The following LRFN5 variants were observed in gnomAD, a reference collection of about 807,000 sequenced individuals.
LRFN5 encodes the protein leucine-rich repeat and fibronectin type-III domain-containing protein 5.
Under a neutral mutation model 45.6 loss-of-function variants are expected in LRFN5, and 24 were observed. The ratio of observed to expected loss-of-function variants is 0.53; its 90% CI spans 0.38 to 0.74. The LOEUF is 0.74. Among genes scored for constraint, LRFN5 ranks in the 30% least tolerant of loss-of-function variants. The pLI, the probability that LRFN5 is intolerant of heterozygous loss-of-function variation, is 0.00. For synonymous variants in LRFN5, 340 were observed against 313.8 expected (o/e 1.08, Z -0.88); for missense variants, 776 against 861.5 (o/e 0.90, Z 1.24).
intron 5 of LRFN5, among the ~76,000 whole-genome samples, chr14:41,899,650 A>G (rs1043120997): frequency 2.9e-4 from 44 of 152,140 alleles, no homozygotes; most frequent in African/African-American, 1.0e-3. Flanking sequence ...GGTTTGGCAC[A>G]CACACAAAAA....
At chr14:41,810,902 C>T (rs1887713054) in intron 2 of LRFN5, among the ~76,000 whole-genome samples, 1 of 149,504 alleles carries the variant, frequency 6.7e-6, no homozygotes, top group Admixed American at 6.8e-5. Flanking sequence ...GCAGAAACTA[C>T]ATGTTGATGA....
chr14:41,781,593 AAAGAAAG>A (rs1886504642), intron 2 of LRFN5, among the ~76,000 whole-genome samples: 3 of 103,900 alleles, frequency 2.9e-5, no homozygotes, highest in African/African-American at 4.2e-5. Context: ...AGAAAGAAAG[AAAGAAAG>A]AAAGAAAGAA....
Position 41,695,301 on chromosome 14 carries a change from G to C in LRFN5, c.-196-71553G>C, listed in dbSNP as rs140967558. 7.0e-3 allele frequency among the ~76,000 whole-genome samples: 1,066 copies of C among 152,052 alleles called. 7 individuals are homozygous for C. Among genetic ancestry groups the C allele is most frequent in the Middle Eastern group, 0.037 (11 of 294 alleles). ...AAGAAGGTGTCTCCATAACATAAAAGTGCAAGATGAAGCAGAAAGTCTTGT... is the reference window on the plus strand; with the variant it reads ...AAGAAGGTGTCTCCATAACATAAAACTGCAAGATGAAGCAGAAAGTCTTGT... On this transcript the variant is annotated intron_variant, in intron 1 of 5. Transcript: ENST00000298119.
At chr14:41,783,282 A>G (rs1484836835) in intron 2 of LRFN5, among the ~76,000 whole-genome samples, 1 of 152,106 alleles carries the variant, frequency 6.6e-6, no homozygotes, top group Non-Finnish European at 1.5e-5. Flanking sequence ...GCCTTCAGCA[A>G]ATCACCAAAA....
chr14:41,724,647 T>C (rs1328803273), intron 1 of LRFN5, among the ~76,000 whole-genome samples: 1 of 151,898 alleles, frequency 6.6e-6, no homozygotes, highest in Non-Finnish European at 1.5e-5. Flanking sequence ...CTTTGTGTAA[T>C]ATAATAAGTA....
At position 41,891,653 on chromosome 14, in the gene LRFN5, G is replaced by A. The variant is rs866861933; in HGVS notation, c.1789G>A (p.Glu597Lys). The A allele has an allele frequency of 1.9e-6, 3 of 1,614,066 alleles. No individual in the cohort carries two copies. Among genetic ancestry groups the A allele is most frequent in the African/African-American group, 1.3e-5 (1 of 74,924 alleles). ...QSVSKQAVGH[E>K]ENAQCCKATS... ...CGTGTCCAAACAAGCTGTGGGACAC[G>A]AAGAGAATGCCCAGTGTTGTAAAGC... The change falls in exon 4 of 6, where the codon GAA becomes AAA. Residue 597 changes from glutamate to lysine, a missense_variant. Physicochemically the swap from Glu to Lys is moderately conservative, Grantham distance 56 (BLOSUM62 1). This residue lies in a region of LRFN5 where 465 missense variants were observed against 456.4 expected (regional missense o/e 1.02). Coordinates refer to ENST00000298119, the MANE Select transcript of LRFN5 (RefSeq NM_152447.5).
At chr14:41,897,467 T>C (rs1890978609) in intron 4 of LRFN5, among the ~76,000 whole-genome samples, 1 of 152,058 alleles carries the variant, frequency 6.6e-6, no homozygotes, top group South Asian at 2.1e-4. Context: ...TATAAATATA[T>C]ATGTGCTCAA....
At chr14:41,807,667 T>C (rs539643573) in intron 2 of LRFN5, among the ~76,000 whole-genome samples, 81 of 152,122 alleles carry the variant, frequency 5.3e-4, no homozygotes, top group African/African-American at 1.8e-3. Flanking sequence ...AATGAGAATA[T>C]TTTTGGTGTA....
intron 2 of LRFN5, among the ~76,000 whole-genome samples, chr14:41,866,618 C>T (rs754479048): frequency 1.1e-4 from 17 of 152,028 alleles, no homozygotes; most frequent in Non-Finnish European, 1.9e-4. Context: ...CTGATAACCC[C>T]GTGCCATTTT....
chr14:41,756,262 A>G (rs1359956486), intron 1 of LRFN5, among the ~76,000 whole-genome samples: 1 of 152,058 alleles, frequency 6.6e-6, no homozygotes, highest in East Asian at 1.9e-4. Flanking sequence ...GCTCTTCTCG[A>G]GGAGTATCTT....
intron 1 of LRFN5, among the ~76,000 whole-genome samples, chr14:41,721,768 A>G (rs1019085596): frequency 6.6e-6 from 1 of 152,058 alleles, no homozygotes; most frequent in Non-Finnish European, 1.5e-5. Flanking sequence ...TTTGTATGTA[A>G]TCTAGTCTTT....
chr14:41,795,526 C>G (rs1169203351), intron 2 of LRFN5, among the ~76,000 whole-genome samples: 1 of 152,010 alleles, frequency 6.6e-6, no homozygotes, highest in African/African-American at 2.4e-5. Context: ...GGAACCAACC[C>G]AAATGTCCAA....
At chr14:41,627,747 G>C (rs900920849) in intron 1 of LRFN5, among the ~76,000 whole-genome samples, 3 of 152,056 alleles carry the variant, frequency 2.0e-5, no homozygotes, top group Admixed American at 1.3e-4. Context: ...ATTTGAATGG[G>C]GCTAATTATG....
intron 1 of LRFN5, among the ~76,000 whole-genome samples, chr14:41,635,512 C>A (rs1470435199): frequency 6.6e-6 from 1 of 152,028 alleles, no homozygotes; most frequent in Non-Finnish European, 1.5e-5. Flanking sequence ...TGATTCTAAT[C>A]AAATCAGAAT....
At chr14:41,800,747 G>T (rs1213703521) in intron 2 of LRFN5, among the ~76,000 whole-genome samples, 1 of 150,570 alleles carries the variant, frequency 6.6e-6, no homozygotes, top group Non-Finnish European at 1.5e-5. Flanking sequence ...TAAATTCTGT[G>T]TCTCCTAACT....
chr14:41,783,795 T>A (rs557190967), intron 2 of LRFN5, among the ~76,000 whole-genome samples: 1 of 152,288 alleles, frequency 6.6e-6, no homozygotes, highest in South Asian at 2.1e-4. Context: ...ATAAATATCA[T>A]TATCATGTAT....
At chr14:41,649,582 A>G (rs553794830) in intron 1 of LRFN5, among the ~76,000 whole-genome samples, 99 of 152,268 alleles carry the variant, frequency 6.5e-4, no homozygotes, top group Admixed American at 7.2e-4. Context: ...GTTTTAGCAA[A>G]GAACCCTGCT....
chr14:41,803,926 C>T (rs891159203), intron 2 of LRFN5, among the ~76,000 whole-genome samples: 2 of 152,042 alleles, frequency 1.3e-5, no homozygotes, highest in South Asian at 2.1e-4. Context: ...TGCAGTGGCA[C>T]GATCTAGGCT....
At chr14:41,738,702 C>T (rs1020604754) in intron 1 of LRFN5, among the ~76,000 whole-genome samples, 3 of 152,246 alleles carry the variant, frequency 2.0e-5, no homozygotes, top group East Asian at 3.9e-4. Context: ...TTTCAGAGTC[C>T]AGATTGCTCA....
Sources: allele counts gnomAD v4.1 joint callset (sites outside exome capture counted in the v4.1 genomes callset), GRCh38; gene constraint gnomAD v4.1.1; regional missense constraint gnomAD v4.1.1; transcripts MANE v1.5; gene names NCBI Gene and HGNC (gene_info 2026-07-23, HGNC 2026-07-21).